PTGIR: variants seen among roughly 807,000 people sequenced by gnomAD.
PTGIR encodes the protein prostaglandin I2 receptor.
A neutral mutation model predicts 17.6 loss-of-function variants in PTGIR; 16 were observed. The observed-to-expected ratio is 0.91, with a 90% confidence interval of 0.61 to 1.38. PTGIR has a LOEUF of 1.38. Ranked by LOEUF, PTGIR falls within the 40% of genes most tolerant of loss-of-function variation. The pLI, the probability that PTGIR is intolerant of heterozygous loss-of-function variation, is 0.00. For synonymous variants in PTGIR, 274 were observed against 255.4 expected, an observed-to-expected ratio of 1.07 and a Z score of -0.69; for missense variants, 532 against 548.6, an observed-to-expected ratio of 0.97 and a Z score of 0.30.
chr19:46,621,457 T>G lies in PTGIR; in HGVS notation c.984A>C (p.Ser328=), dbSNP rs2229129. The part of the protein sequence containing the change: ...DSQTPLSQLA[S]GRRDPRAPSA... ...AGGGGGCCCTTGGGTCCCTCCTCCC[T>G]GAGGCGAGCTGGGAAAGGGGTGTCT... is the stretch of plus-strand genomic sequence containing the variant. The change falls in exon 3 of 3, where the codon TCA becomes TCC. Residue 328 remains serine (S), a synonymous_variant. Transcript: ENST00000291294. The surrounding 1 kb of genome is among the most constrained non-coding windows in gnomAD (Gnocchi z 4.8). The G allele has an allele frequency of 0.4, 649,691 of 1,613,728 alleles. 132,297 individuals carry two copies. Among genetic ancestry groups the G allele is most frequent in the South Asian group, 0.49 (44,673 of 91,076 alleles).
chr19:46,617,985 T>G (rs1197619402), downstream of PTGIR, among the ~76,000 whole-genome samples: 1 of 150,000 alleles, frequency 6.7e-6, no homozygotes, highest in Non-Finnish European at 1.5e-5. Context: ...ACTACATGTG[T>G]GCGCTACCAC....
In PTGIR at chr19:46,624,054, C is replaced by T; in HGVS notation, c.172G>A (p.Ala58Thr). The T allele has an allele frequency of 6.5e-7, 1 of 1,537,126 alleles. No homozygotes were observed. Among genetic ancestry groups the T allele is most frequent in the Non-Finnish European group, 8.7e-7 (1 of 1,144,054 alleles). Reference sequence around the variant, plus strand: ...AAGCTGGTGCCCAGCAGGTCGGTGGCCGCCAGTCCGGTCACCAGCACCGCG... The same window carrying T: ...AAGCTGGTGCCCAGCAGGTCGGTGGTCGCCAGTCCGGTCACCAGCACCGCG... Reference protein sequence around the residue: ...AFAVLVTGLAATDLLGTSFLS... With the variant: ...AFAVLVTGLATTDLLGTSFLS... The change falls in exon 2 of 3, where the codon GCC (alanine) becomes ACC (threonine). Residue 58 changes from alanine to threonine, a missense_variant. Transcript: ENST00000291294.
Position 46,623,813 on chromosome 19 carries a change from A to T in PTGIR, c.413T>A (p.Leu138Gln). 2 of 1,607,662 alleles carry T rather than the reference A, an allele frequency of 1.2e-6. No homozygotes were observed. Among genetic ancestry groups the T allele is most frequent in the Non-Finnish European group, 1.7e-6 (2 of 1,178,262 alleles). The change falls in exon 2 of 3, where the codon CTG becomes CAG. Residue 138 changes from leucine to glutamine, a missense_variant. Leu to Gln is a moderately radical substitution (Grantham distance 113, BLOSUM62 -2). Coordinates refer to ENST00000291294, the MANE Select transcript of PTGIR (RefSeq NM_000960.4). ...GAAGGCGTAGATGGCTGGCAGCGCC[A>T]GGCGGGCGCAGCGGGGCCCGTCCAG... ...AQLDGPRCAR[L>Q]ALPAIYAFCV... is the part of the protein sequence containing the mutation.
At chr19:46,618,261 G>T (rs1340048336), downstream of PTGIR, among the ~76,000 whole-genome samples, 1 of 152,082 alleles carries the variant, frequency 6.6e-6, no homozygotes, top group Non-Finnish European at 1.5e-5. Flanking sequence ...TGATCCGCCC[G>T]CCTCGGCCTC....
chr19:46,619,583 G>A (rs1325798138), downstream of PTGIR, among the ~76,000 whole-genome samples: 11 of 95,674 alleles, frequency 1.1e-4, no homozygotes, highest in South Asian at 7.0e-4. Context: ...GAGAGAGAGA[G>A]AAAGAAAGAA....
intron 2 of PTGIR, chr19:46,623,143 G>T (rs1393137985): frequency 2.5e-5 from 5 of 203,488 alleles, no homozygotes; most frequent in Non-Finnish European, 4.9e-5. Context: ...CACTACGTCC[G>T]GCTACTTTTT....
At chr19:46,611,818 G>C in the PTGIR span, among the ~76,000 whole-genome samples, 1 of 152,250 alleles carries the variant, frequency 6.6e-6, no homozygotes, top group Non-Finnish European at 1.5e-5. Flanking sequence ...AATGGGGAAT[G>C]AGAGGTTAAT....
At chr19:46,622,292 C>A (rs1191706499) in intron 2 of PTGIR, 2 of 985,168 alleles carry the variant, frequency 2.0e-6, no homozygotes, top group African/African-American at 1.7e-5. Flanking sequence ...CAGAGGGGAG[C>A]CAGGTAGGTG....
rs2052760687 is a variant in PTGIR, at chr19:46,623,681, G to C, written c.545C>G (p.Ala182Gly). The change falls in exon 2 of 3, where the codon GCC becomes GGC. Residue 182 changes from alanine to glycine, a missense_variant. Transcript: ENST00000291294. ...LRMRWAQPGG[A>G]AFSLAYAGLV... ...GCCGGCGTAGGCCAGCGAGAAGGCG[G>C]CGCCGCCCGGCTGGGCCCAGCGCAT... The C allele has an allele frequency of 1.3e-6, 2 of 1,550,058 alleles. No homozygotes were observed. The highest frequency in any genetic ancestry group is 1.4e-5 in the African/African-American group (1 of 73,562).
chr19:46,611,394 C>A, the PTGIR span, among the ~76,000 whole-genome samples: 1 of 152,164 alleles, frequency 6.6e-6, no homozygotes, highest in Non-Finnish European at 1.5e-5. Flanking sequence ...GTCTCACAGG[C>A]AGCCAAAACA....
downstream of PTGIR, among the ~76,000 whole-genome samples, chr19:46,620,289 A>G (rs1972039543): frequency 6.6e-6 from 1 of 152,042 alleles, no homozygotes; most frequent in Non-Finnish European, 1.5e-5. Context: ...TTTTGTAGAG[A>G]CAAGTTCTCG....
chr19:46,622,019 G>A lies in PTGIR; in HGVS notation c.769-347C>T, dbSNP rs759770307. ...CCCCTGAAACTGCCGCAGAGCTGCG[G>A]TGGTGCCTGTGTGTATCTGTCCACG... On this transcript the variant is annotated intron_variant, in intron 2 of 2. Coordinates refer to ENST00000291294, the MANE Select transcript of PTGIR (RefSeq NM_000960.4). 1.7e-4 allele frequency: 170 copies of A among 985,356 alleles called. 1 individual carries two copies. The highest frequency in any genetic ancestry group is 2.0e-4 in the Non-Finnish European group (165 of 829,952). The allele number at this position is 985,356 out of a possible 1,614,324, so 61.0% of individuals were successfully genotyped here. A position where few individuals can be genotyped will look rare whatever the true frequency, so the allele number is the denominator to read the frequency against.
chr19:46,618,738 AT>A (rs1340178375), downstream of PTGIR, among the ~76,000 whole-genome samples: 1 of 152,154 alleles, frequency 6.6e-6, no homozygotes, highest in Non-Finnish European at 1.5e-5. Context: ...CTACTATCCA[AT>A]TCCAGAACAT....
At chr19:46,616,137 C>T (rs1971958350), downstream of PTGIR, among the ~76,000 whole-genome samples, 1 of 151,796 alleles carries the variant, frequency 6.6e-6, no homozygotes, top group African/African-American at 2.4e-5. Context: ...TTCAATCACC[C>T]ACGTGGATTG....
At chr19:46,624,397 G>C in intron 1 of PTGIR, 160 bp from the exon 2 acceptor site, 1 of 526,806 alleles carries the variant, frequency 1.9e-6, no homozygotes, top group Non-Finnish European at 3.2e-6. Context: ...CTCCCCTCTG[G>C]CTTCTCCAGT....
chr19:46,622,526 AGTGGTG>A, intron 2 of PTGIR: 5 of 372,092 alleles, frequency 1.3e-5, no homozygotes, highest in Non-Finnish European at 1.8e-5. Flanking sequence ...GTGCTCAATG[AGTGGTG>A]GTCTTGTCAT....
rs764519928 is a variant in PTGIR at position 46,624,155 on chromosome 19, A to G, written c.71T>C (p.Phe24Ser). The G allele has an allele frequency of 6.6e-7, 1 of 1,520,406 alleles. No individual in the cohort carries two copies. Among genetic ancestry groups the G allele is most frequent in the South Asian group, 1.2e-5 (1 of 81,702 alleles). The allele number at this position is 1,520,406 out of a possible 1,614,324, so 94.2% of individuals were successfully genotyped here. Residue 24 changes from phenylalanine (F) to serine (S), a missense_variant, in exon 2 of 3, where the codon TTC (phenylalanine) becomes TCC (serine). Transcript: ENST00000291294. ...CCCGTTGCCCACCACACCGGCCACG[A>G]ACATCAGGGTGCTGGTGGCCGGCCC... ...SVGPATSTLM[F>S]VAGVVGNGLA...
Position 46,623,797 on chromosome 19 carries a change from G to C in PTGIR, c.429C>G (p.Ile143Met), listed in dbSNP as rs2052763217. The change falls in exon 2 of 3, where the codon ATC (isoleucine) becomes ATG (methionine). Residue 143 changes from isoleucine to methionine, a missense_variant. Physicochemically the swap from Ile to Met is conservative, Grantham distance 10. Coordinates refer to ENST00000291294, the MANE Select transcript of PTGIR (RefSeq NM_000960.4). ...PRCARLALPA[I>M]YAFCVLFCAL... The stretch of plus-strand genomic sequence containing the variant: ...CGCAGAAGAGGACGCAGAAGGCGTA[G>C]ATGGCTGGCAGCGCCAGGCGGGCGC... 1 of 1,608,716 alleles carries C rather than the reference G, an allele frequency of 6.2e-7. No homozygotes were observed. Among genetic ancestry groups the C allele is most frequent in the Middle Eastern group, 1.7e-4 (1 of 6,060 alleles).
In PTGIR at chr19:46,624,193, C is replaced by T; in HGVS notation, c.33G>A (p.Val11=). 6.8e-7 allele frequency: 1 copy of T among 1,471,878 alleles called. No individual in the cohort carries two copies. Among genetic ancestry groups the T allele is most frequent in the South Asian group, 1.4e-5 (1 of 73,736 alleles). 91.2% of individuals were successfully genotyped at this position (1,471,878 alleles called of 1,614,324 possible). A position where few individuals can be genotyped will look rare whatever the true frequency, so the allele number is the denominator to read the frequency against. ...TGGTGGCCGGCCCCACCGAGCCCCG[C>T]ACGTAGGTGAGGTTCCTGCACGAAT... MADSCRNLTY[V]RGSVGPATST... is the part of the protein sequence containing the mutation. The change falls in exon 2 of 3, where the codon GTG becomes GTA. Residue 11 remains valine, a synonymous_variant. Coordinates refer to ENST00000291294, the MANE Select transcript of PTGIR (RefSeq NM_000960.4).
Sources: gnomAD v4.1 joint callset for allele counts (sites outside exome capture counted in the v4.1 genomes callset) on GRCh38, gnomAD v4.1.1 for gene constraint, Gnocchi (gnomAD v3.1) non-coding constraint, MANE v1.5 for transcripts, NCBI Gene and HGNC (gene_info 2026-07-23, HGNC 2026-07-21) for gene names.